The following MDN1 variants were observed in gnomAD, a reference collection of about 807,000 sequenced individuals.
The protein encoded by MDN1 is midasin.
MDN1 carries 266 observed loss-of-function variants against 669.2 expected under a neutral mutation model. The ratio of observed to expected loss-of-function variants is 0.40; its 90% confidence interval spans 0.36 to 0.44. MDN1 has a LOEUF of 0.44. MDN1 is among the 20% of genes least tolerant of loss of function. MDN1 has a pLI of 1.00. For missense variants in MDN1, 5,940 were observed against 6,754.0 expected (o/e 0.88, Z 4.22); for synonymous variants, 2,385 against 2,457.1 (o/e 0.97, Z 0.87).
rs1810847625 is a variant in MDN1 at position 89,672,250 on chromosome 6, A to G, written c.13744T>C (p.Leu4582=). ...QKIISAISEL[L]ERLKSYGEDG... ...TCACCGTACGATTTCAGCCTCTCCA[A>G]CAGCTCGGAGATGGCAGAAATTATT... The change falls in exon 82 of 102, where the codon TTG becomes CTG. Residue 4582 remains leucine, a synonymous_variant. Coordinates refer to ENST00000369393, the MANE Select transcript of MDN1 (RefSeq NM_014611.3). The G allele has an allele frequency of 6.2e-7, 1 of 1,610,798 alleles. No individual in the cohort carries two copies. The highest frequency in any genetic ancestry group is 1.7e-5 in the Admixed American group (1 of 58,888).
intron 2 of MDN1, among the ~76,000 whole-genome samples, chr6:89,801,965 GA>G (rs149181191): frequency 0.15 from 19,386 of 132,180 alleles, 1,653 homozygotes; most frequent in South Asian, 0.23. Flanking sequence ...GCTTCAAAAA[GA>G]AAAAAAAAAA....
At chr6:89,760,212 A>G (rs1033680400) in intron 17 of MDN1, among the ~76,000 whole-genome samples, 4 of 152,338 alleles carry the variant, frequency 2.6e-5, no homozygotes, top group Non-Finnish European at 5.9e-5. Context: ...ACTGTCACAG[A>G]AACAAACTTT....
In MDN1 at chr6:89,655,868, T is replaced by C; in HGVS notation, c.15386A>G (p.His5129Arg). Residue 5129 changes from histidine to arginine, a missense_variant, in exon 92 of 102, where the codon CAT becomes CGT. His to Arg is a conservative substitution (Grantham distance 29). Around this residue, in one of 5 missense-constraint regions of MDN1, gnomAD observed 2,280 missense variants for 2,576.3 expected, o/e 0.88. Coordinates refer to ENST00000369393, the MANE Select transcript of MDN1 (RefSeq NM_014611.3). ...CTGCTGAGCTGGCCCCTGCTCGGCATGGCTGTCCGTATCCACAGTCCTCAG... is the reference window on the plus strand; with the variant it reads ...CTGCTGAGCTGGCCCCTGCTCGGCACGGCTGTCCGTATCCACAGTCCTCAG... Reference protein sequence around the residue: ...KRLRTVDTDSHAEQGPAQQPQ... With the variant: ...KRLRTVDTDSRAEQGPAQQPQ... 5 of 1,614,162 alleles carry C rather than the reference T, an allele frequency of 3.1e-6. No homozygotes were observed. Among genetic ancestry groups the C allele is most frequent in the Non-Finnish European group, 4.2e-6 (5 of 1,180,030 alleles).
chr6:89,749,291 A>C lies in MDN1; in HGVS notation c.3694T>G (p.Leu1232Val), dbSNP rs755671891. The change falls in exon 26 of 102, where the codon TTG becomes GTG. Residue 1232 changes from leucine to valine, a missense_variant. Around this residue, in one of 5 missense-constraint regions of MDN1, gnomAD observed 2,292 missense variants for 2,638.3 expected, o/e 0.87. Coordinates refer to ENST00000369393, the MANE Select transcript of MDN1 (RefSeq NM_014611.3). ...ELPSSELETI[L>V]HKRCSLPPSY... is the part of the protein sequence containing the mutation. ...GGTGGCAAACTACACCGCTTGTGCA[A>C]GATTGTTTCCAACTCGGAGCTAGGT... 4 of 1,614,138 alleles carry C rather than the reference A, an allele frequency of 2.5e-6. No individual in the cohort carries two copies. Among genetic ancestry groups the C allele is most frequent in the Non-Finnish European group, 3.4e-6 (4 of 1,179,998 alleles).
chr6:89,661,868 A>G (rs970126244), intron 87 of MDN1, among the ~76,000 whole-genome samples: 1 of 152,236 alleles, frequency 6.6e-6, no homozygotes, highest in Non-Finnish European at 1.5e-5. Flanking sequence ...CTTCTGATCT[A>G]TAGCATGAGC....
chr6:89,658,911 T>C lies in MDN1; in HGVS notation c.14720A>G (p.Asn4907Ser). The change falls in exon 89 of 102, where the codon AAT becomes AGT. Residue 4907 changes from asparagine to serine, a missense_variant. By Grantham distance (46) the Asn-to-Ser change is conservative (BLOSUM62 1). Around this residue, in one of 5 missense-constraint regions of MDN1, gnomAD observed 2,280 missense variants for 2,576.3 expected, o/e 0.88. Transcript: ENST00000369393. ...DTDNEEGEEE[N>S]PLEIKEKPEE... ...TGGTTTTTCTTTTATCTCCAAAGGA[T>C]TCTCTTCTGTATAGATACAACAAAA... The C allele has an allele frequency of 6.2e-7, 1 of 1,611,206 alleles. No homozygotes were observed. The highest frequency in any genetic ancestry group is 8.5e-7 in the Non-Finnish European group (1 of 1,179,170).
intron 51 of MDN1, 59 bp from the exon 52 acceptor site, chr6:89,707,535 T>C (rs1214367049): frequency 1.9e-6 from 2 of 1,068,090 alleles, no homozygotes; most frequent in Admixed American, 1.7e-5. Flanking sequence ...TTTTCAATCA[T>C]ATCCTCTATT....
rs780411860 is a variant in MDN1 at position 89,762,390 on chromosome 6, T to C, written c.2285A>G (p.His762Arg). Residue 762 changes from histidine (H) to arginine (R), a missense_variant, in exon 16 of 102, where the codon CAT (histidine) becomes CGT (arginine). Around this residue, in one of 5 missense-constraint regions of MDN1, gnomAD observed 1,203 missense variants for 1,268.9 expected, o/e 0.95. Coordinates refer to ENST00000369393, the MANE Select transcript of MDN1 (RefSeq NM_014611.3). ...ATGCTGCATTAGTCTCAGGAGATCA[T>C]GCCACCGTTTCTGTCTGTAACAGGT... ...IQTCYRQKRW[H>R]DLLRLMQHVH... 1.2e-6 allele frequency: 2 copies of C among 1,614,216 alleles called. No homozygotes were observed. Among genetic ancestry groups the C allele is most frequent in the East Asian group, 2.2e-5 (1 of 44,884 alleles).
At chr6:89,679,978 AGAT>A (rs921066438) in intron 74 of MDN1, among the ~76,000 whole-genome samples, 15 of 152,308 alleles carry the variant, frequency 9.8e-5, no homozygotes, top group Middle Eastern at 3.4e-3. Flanking sequence ...CCCTGAGATT[AGAT>A]GCAACCTCAT....
At chr6:89,729,601 T>C (rs1815446101) in intron 35 of MDN1, among the ~76,000 whole-genome samples, 3 of 152,106 alleles carry the variant, frequency 2.0e-5, no homozygotes, top group South Asian at 2.1e-4. Context: ...TTAACTGATA[T>C]GCAGGACTAA....
chr6:89,819,619 C>T lies in MDN1; in HGVS notation c.-12G>A, dbSNP rs1769122816. 6.3e-7 allele frequency: 1 copy of T among 1,599,160 alleles called. No homozygotes were observed. Among genetic ancestry groups the T allele is most frequent in the Non-Finnish European group, 8.5e-7 (1 of 1,178,772 alleles). On this transcript the variant is annotated 5_prime_UTR_variant, in exon 1 of 102. Coordinates refer to ENST00000369393, the MANE Select transcript of MDN1 (RefSeq NM_014611.3). ...AAGAAGTGCTCCATGACCCAGGGCCCTCACCCCGAGCGGCCACCTGCGCTC... is the reference window on the plus strand; with the variant it reads ...AAGAAGTGCTCCATGACCCAGGGCCTTCACCCCGAGCGGCCACCTGCGCTC...
At chr6:89,769,258 T>G (rs982690525) in intron 15 of MDN1, among the ~76,000 whole-genome samples, 1 of 152,224 alleles carries the variant, frequency 6.6e-6, no homozygotes, top group Non-Finnish European at 1.5e-5. Flanking sequence ...AAAAACTTTT[T>G]GGTATTCTCA....
intron 15 of MDN1, 79 bp from the exon 16 acceptor site, chr6:89,762,609 A>G (rs988197311): frequency 6.2e-5 from 61 of 990,834 alleles, no homozygotes; most frequent in Non-Finnish European, 8.7e-5. Flanking sequence ...AGAAAACAGG[A>G]GTAGGTCTCA....
At position 89,728,092 on chromosome 6, in the gene MDN1, C is replaced by T. The variant is rs1485183197; in HGVS notation, c.5350-137G>A. On this transcript the variant is annotated intron_variant, in intron 36 of 101. Transcript: ENST00000369393. Reference sequence around the variant, plus strand: ...CTTCCTACACCCAAGATAGAACTAACCAATCCCAGCTCTCTTTACCAGGAG... The same window carrying T: ...CTTCCTACACCCAAGATAGAACTAATCAATCCCAGCTCTCTTTACCAGGAG... 3.9e-6 allele frequency: 4 copies of T among 1,021,402 alleles called. No individual in the cohort carries two copies. In the East Asian group the frequency reaches 1.1e-4, roughly 27 times the overall value. 63.3% of individuals were successfully genotyped at this position (1,021,402 alleles called of 1,614,324 possible).
intron 86 of MDN1, 77 bp from the exon 87 acceptor site, chr6:89,662,316 A>G: frequency 2.0e-6 from 3 of 1,469,720 alleles, no homozygotes; most frequent in African/African-American, 1.4e-5. Context: ...ACTTTTAGAC[A>G]TGCATAATTT....
intron 18 of MDN1, 88 bp downstream of exon 18, chr6:89,758,728 T>G: frequency 1.4e-6 from 2 of 1,411,404 alleles, no homozygotes; most frequent in Non-Finnish European, 9.7e-7. Context: ...GCCCATGTCA[T>G]CCTTCTAACA....
chr6:89,675,810 T>C, intron 77 of MDN1: 1 of 567,454 alleles, frequency 1.8e-6, no homozygotes, highest in East Asian at 2.9e-5. Flanking sequence ...CTTTTCTCAA[T>C]TCACAAAGGG....
At chr6:89,785,418 C>T (rs993261489) in intron 8 of MDN1, among the ~76,000 whole-genome samples, 1 of 152,178 alleles carries the variant, frequency 6.6e-6, no homozygotes, top group African/African-American at 2.4e-5. Context: ...ATGACAGGTT[C>T]CTCTTCCTTA....
chr6:89,701,772 T>A (rs1813178240), intron 54 of MDN1, 94 bp from the exon 55 acceptor site: 11 of 1,526,994 alleles, frequency 7.2e-6, no homozygotes, highest in Non-Finnish European at 9.7e-6. Context: ...TTTCTTTCTT[T>A]TAATTGTACA....
Sources: allele counts gnomAD v4.1 joint callset (sites outside exome capture counted in the v4.1 genomes callset), GRCh38; gene constraint gnomAD v4.1.1; regional missense constraint gnomAD v4.1.1; transcripts MANE v1.5; gene names NCBI Gene and HGNC (gene_info 2026-07-23, HGNC 2026-07-21).